COLEC11: variants seen among roughly 807,000 people sequenced by gnomAD.
The protein encoded by COLEC11 is collectin-11.
In COLEC11, 20 loss-of-function variants were observed where a neutral mutation model predicts 27.3. That is an observed-to-expected ratio of 0.73 (90% CI 0.51 to 1.06). The LOEUF is 1.06. COLEC11 is among the 50% of genes least tolerant of loss of function. The pLI is 0.00. For synonymous variants in COLEC11, 163 were observed against 154.7 expected (o/e 1.05, Z -0.40); for missense variants, 310 against 383.0 (o/e 0.81, Z 1.59).
Position 3,616,898 on chromosome 2 carries a change from G to A in COLEC11, c.202+3516G>A, listed in dbSNP as rs559492163. On this transcript the variant is annotated intron_variant, in intron 3 of 6. Coordinates refer to ENST00000349077, the MANE Select transcript of COLEC11 (RefSeq NM_024027.5). ...AGGTTCATCCAGGTCACAAATGCTG[G>A]GATTTTCTTATATTTCAAGACTGAA... is the stretch of plus-strand genomic sequence containing the variant. Among the ~76,000 whole-genome samples, 3 of 152,258 alleles carry A rather than the reference G, an allele frequency of 2.0e-5. No homozygotes were observed. The East Asian group carries it at 5.8e-4, about 29-fold the overall frequency.
At chr2:3,608,225 C>T (rs1267899120) in intron 2 of COLEC11, among the ~76,000 whole-genome samples, 1 of 152,228 alleles carries the variant, frequency 6.6e-6, no homozygotes, top group African/African-American at 2.4e-5. Flanking sequence ...CAGTAAATGT[C>T]AGCCACGTTT....
intron 4 of COLEC11, among the ~76,000 whole-genome samples, chr2:3,639,262 G>A (rs746204304): frequency 6.6e-6 from 1 of 152,240 alleles, no homozygotes; most frequent in African/African-American, 2.4e-5. Flanking sequence ...GCCACATTGC[G>A]TATTGACTCA....
intron 3 of COLEC11, among the ~76,000 whole-genome samples, chr2:3,632,443 G>A (rs113215838): frequency 4.6e-4 from 70 of 152,340 alleles, no homozygotes; most frequent in African/African-American, 1.6e-3. Flanking sequence ...CTGCTCCTGA[G>A]GCTGCTGTCC....
chr2:3,639,805 C>T (rs1455401232), intron 4 of COLEC11, among the ~76,000 whole-genome samples: 3 of 152,170 alleles, frequency 2.0e-5, no homozygotes, highest in African/African-American at 7.2e-5. Flanking sequence ...CAGGCTGCTA[C>T]GAGCAGGGAT....
intron 3 of COLEC11, among the ~76,000 whole-genome samples, chr2:3,632,063 G>T (rs952533372): frequency 6.6e-6 from 1 of 152,204 alleles, no homozygotes; most frequent in East Asian, 1.9e-4. Context: ...ATCAGTGTGC[G>T]CTCGCGCTCC....
At chr2:3,606,025 T>A in intron 2 of COLEC11, 1 of 1,529,366 alleles carries the variant, frequency 6.5e-7, no homozygotes, top group Non-Finnish European at 8.8e-7. Flanking sequence ...GGAAGCAACT[T>A]AAACTGTTGG....
At chr2:3,635,596 C>T (rs1473974214) in intron 3 of COLEC11, among the ~76,000 whole-genome samples, 1 of 152,226 alleles carries the variant, frequency 6.6e-6, no homozygotes, top group Non-Finnish European at 1.5e-5. Flanking sequence ...GTTGCTGGGC[C>T]GCTGTCCCGA....
chr2:3,613,203 C>T, intron 2 of COLEC11, 108 bp from the exon 3 acceptor site: 2 of 1,252,672 alleles, frequency 1.6e-6, no homozygotes, highest in South Asian at 1.3e-5. Context: ...GGCTTGGCCA[C>T]CTGCAGGGAC....
At chr2:3,626,119 A>G in intron 3 of COLEC11, 1 of 1,588,784 alleles carries the variant, frequency 6.3e-7, no homozygotes, top group Non-Finnish European at 8.6e-7. Flanking sequence ...TCCCACCTTC[A>G]CACTTAAGTT....
chr2:3,642,416 CT>C (rs551060965), intron 5 of COLEC11, among the ~76,000 whole-genome samples: 193 of 152,264 alleles, frequency 1.3e-3, no homozygotes, highest in African/African-American at 4.4e-3. Flanking sequence ...TGGGAGGTGG[CT>C]TCCCACCATG....
chr2:3,609,317 T>G (rs1262982234), intron 2 of COLEC11, among the ~76,000 whole-genome samples: 2 of 151,114 alleles, frequency 1.3e-5, no homozygotes, highest in Non-Finnish European at 3.0e-5. Context: ...TCTCTTTCCG[T>G]GCCTCCAGTT....
At chr2:3,612,172 GCA>G (rs781543186) in intron 2 of COLEC11, among the ~76,000 whole-genome samples, 13 of 151,976 alleles carry the variant, frequency 8.6e-5, no homozygotes, top group East Asian at 2.0e-4. Flanking sequence ...GCATATCAGC[GCA>G]CACACGCGCA....
chr2:3,612,909 A>G (rs2147881247), intron 2 of COLEC11, among the ~76,000 whole-genome samples: 2 of 152,176 alleles, frequency 1.3e-5, no homozygotes, highest in Middle Eastern at 6.8e-3. Flanking sequence ...TACCAAGCAG[A>G]TGAAGCTCAG....
chr2:3,617,441 A>G (rs949412733), intron 3 of COLEC11: 2 of 1,198,382 alleles, frequency 1.7e-6, no homozygotes, highest in Admixed American at 1.7e-5. Context: ...AGTCATTTAA[A>G]CTTGATCCAA....
intron 2 of COLEC11, chr2:3,606,042 A>G (rs1230109973): frequency 1.3e-6 from 2 of 1,545,304 alleles, no homozygotes; most frequent in Non-Finnish European, 1.7e-6. Context: ...TTGGATGCCT[A>G]CGGCTCTCTC....
intron 2 of COLEC11, among the ~76,000 whole-genome samples, chr2:3,610,919 T>C (rs1462459103): frequency 6.6e-6 from 1 of 152,230 alleles, no homozygotes; most frequent in East Asian, 1.9e-4. Flanking sequence ...TCTTTAAACC[T>C]GTTTTTCCCT....
In COLEC11 at chr2:3,643,717, T is replaced by TA. The variant is rs767532219; in HGVS notation, c.425-9dup. ...AAGTGCTCACTTTTCAACCCTGCCTTACCCCACAGCTGTCGCCGGTGTGCG... is the reference window on the plus strand; with the variant it reads ...AAGTGCTCACTTTTCAACCCTGCCTTAACCCCACAGCTGTCGCCGGTGTGCG... On this transcript the variant is annotated splice_polypyrimidine_tract_variant and intron_variant, in intron 6 of 6. Coordinates refer to ENST00000349077, the MANE Select transcript of COLEC11 (RefSeq NM_024027.5). 5 of 1,613,462 alleles carry TA rather than the reference T, an allele frequency of 3.1e-6. No homozygotes were observed. In the Admixed American group the frequency reaches 6.7e-5, roughly 22 times the overall value.
rs747243750 is a variant in COLEC11 at position 3,644,130 on chromosome 2, G to T, written c.*12G>T. 31 of 1,606,540 alleles carry T rather than the reference G, an allele frequency of 1.9e-5. No individual in the cohort carries two copies. Among genetic ancestry groups the T allele is most frequent in the Non-Finnish European group, 2.5e-5 (30 of 1,179,998 alleles). On this transcript the variant is annotated 3_prime_UTR_variant, in exon 7 of 7. Transcript: ENST00000349077. ...AGGAGAACATGTGAGCCTCAGGCTG[G>T]GGCTGCCCATTGGGGGCCCCACATG...
intron 1 of COLEC11, 81 bp from the exon 2 acceptor site, chr2:3,604,234 C>A: frequency 6.6e-7 from 1 of 1,522,286 alleles, no homozygotes; most frequent in South Asian, 1.1e-5. Context: ...GGCTACACCC[C>A]TTGCCTCCGA....
Sources: allele counts gnomAD v4.1 joint callset (sites outside exome capture counted in the v4.1 genomes callset), GRCh38; gene constraint gnomAD v4.1.1; transcripts MANE v1.5; gene names NCBI Gene and HGNC (gene_info 2026-07-23, HGNC 2026-07-21).